MALL: variants seen among roughly 807,000 people sequenced by gnomAD.
The protein encoded by MALL is MAL-like protein.
Under a neutral mutation model 10.3 loss-of-function variants are expected in MALL, and 2 were observed. That is an observed-to-expected ratio of 0.19 (90% confidence interval 0.08 to 0.61). MALL has a LOEUF of 0.61. Ranked by LOEUF, MALL falls within the 20% of genes least tolerant of loss-of-function variation. The pLI is 0.88. For missense variants in MALL, 39 were observed against 115.2 expected, an observed-to-expected ratio of 0.34 and a Z score of 3.03; for synonymous variants, 27 against 51.8, an observed-to-expected ratio of 0.52 and a Z score of 2.05.
chr2:110,113,435 CAAAAAAAAAAAAA>C (rs58360665), intron 1 of MALL, among the ~76,000 whole-genome samples: 18 of 31,824 alleles, frequency 5.7e-4, no homozygotes, highest in Admixed American at 2.2e-3. Flanking sequence ...GACTCTGTCT[CAAAAAAAAAAAAA>C]AAAAAAAAAA....
chr2:110,105,749 A>T (rs1231255107), intron 1 of MALL, among the ~76,000 whole-genome samples: 1 of 152,204 alleles, frequency 6.6e-6, no homozygotes, highest in Non-Finnish European at 1.5e-5. Context: ...GAAGGGGAAG[A>T]TGCCTGCCTT....
chr2:110,100,476 C>A (rs1026554234), intron 1 of MALL, among the ~76,000 whole-genome samples: 54 of 15,434 alleles, frequency 3.5e-3, no homozygotes, highest in Admixed American at 0.027. Flanking sequence ...CTGTCCCCCA[C>A]CCTAAAAAAA....
chr2:110,106,959 A>G (rs796758217), intron 1 of MALL, among the ~76,000 whole-genome samples: 42 of 152,306 alleles, frequency 2.8e-4, no homozygotes, highest in African/African-American at 9.6e-4. Context: ...GAAGAAGCCA[A>G]CCTCAAAGAC....
intron 1 of MALL, among the ~76,000 whole-genome samples, chr2:110,099,525 T>C (rs1678517009): frequency 6.6e-6 from 1 of 152,174 alleles, no homozygotes; most frequent in Admixed American, 6.5e-5. Flanking sequence ...TTCTAGCTTT[T>C]TCCTGTTACA....
chr2:110,103,577 G>A (rs185398051), intron 1 of MALL, among the ~76,000 whole-genome samples: 2 of 152,206 alleles, frequency 1.3e-5, no homozygotes, highest in Non-Finnish European at 1.5e-5. Context: ...GAATGGCGGA[G>A]AGAGCCAGCA....
intron 1 of MALL, among the ~76,000 whole-genome samples, chr2:110,112,178 G>A (rs1678816672): frequency 6.6e-6 from 1 of 152,136 alleles, no homozygotes; most frequent in Non-Finnish European, 1.5e-5. Context: ...CTTAGGCAAG[G>A]ATTTCATGAC....
At chr2:110,099,635 A>T (rs1678519690) in intron 1 of MALL, among the ~76,000 whole-genome samples, 1 of 152,054 alleles carries the variant, frequency 6.6e-6, no homozygotes, top group Non-Finnish European at 1.5e-5. Context: ...CAGTAAGGGG[A>T]TGTCACTGCC....
In MALL at chr2:110,097,095, CAAAA is replaced by C. The variant is rs71405880; in HGVS notation, c.106-5329_106-5326del. On this transcript the variant is annotated intron_variant, in intron 1 of 3. Transcript: ENST00000272462. ...TGCAATCTTCAAAAACAAAACAAAA[CAAAA>C]AAAAAAAAAGAGAGAGAAAATTCTA... Among the ~76,000 whole-genome samples, 40 of 139,710 alleles carry C rather than the reference CAAAA, an allele frequency of 2.9e-4. 1 individual carries two copies. The highest frequency in any genetic ancestry group is 9.8e-4 in the African/African-American group (37 of 37,660). 91.7% of individuals were successfully genotyped at this position (139,710 alleles called of 152,430 possible). A position where few individuals can be genotyped will look rare whatever the true frequency, so the allele number is the denominator to read the frequency against.
intron 1 of MALL, among the ~76,000 whole-genome samples, chr2:110,110,258 T>A (rs1003756113): frequency 2.6e-5 from 4 of 151,510 alleles, no homozygotes; most frequent in Non-Finnish European, 5.9e-5. Context: ...AAAAAACCCA[T>A]GAAAGATAAA....
chr2:110,098,403 C>T (rs990725580), intron 1 of MALL, among the ~76,000 whole-genome samples: 7 of 152,056 alleles, frequency 4.6e-5, no homozygotes, highest in African/African-American at 1.7e-4. Flanking sequence ...CCCGCAGTCC[C>T]TGGCAACCAC....
At chr2:110,097,665 T>C in intron 1 of MALL, 1 of 391,506 alleles carries the variant, frequency 2.6e-6, no homozygotes, top group Non-Finnish European at 5.2e-6. Context: ...TGGCCAGGGC[T>C]CTGGGCTGTG....
At chr2:110,106,179 G>T (rs921110132) in intron 1 of MALL, among the ~76,000 whole-genome samples, 8 of 152,162 alleles carry the variant, frequency 5.3e-5, no homozygotes, top group African/African-American at 1.9e-4. Flanking sequence ...TGACAAGGTT[G>T]ACAGTTAAAA....
At chr2:110,107,411 C>G (rs1678719684) in intron 1 of MALL, among the ~76,000 whole-genome samples, 1 of 152,062 alleles carries the variant, frequency 6.6e-6, no homozygotes, top group African/African-American at 2.4e-5. Context: ...AGGCCTGTAA[C>G]TGCCAGCTTT....
chr2:110,097,098 A>AAC (rs1426009470), intron 1 of MALL, among the ~76,000 whole-genome samples: 97 of 139,964 alleles, frequency 6.9e-4, no homozygotes, highest in African/African-American at 1.8e-3. Flanking sequence ...AACAAAACAA[A>AAC]AAAAAAAAAA....
At chr2:110,111,549 G>C (rs1263506412) in intron 1 of MALL, among the ~76,000 whole-genome samples, 1 of 151,962 alleles carries the variant, frequency 6.6e-6, no homozygotes, top group Non-Finnish European at 1.5e-5. Context: ...CCTCTACAAG[G>C]AAAACTATAA....
intron 1 of MALL, among the ~76,000 whole-genome samples, chr2:110,096,980 G>A (rs1678455405): frequency 6.6e-6 from 1 of 151,848 alleles, no homozygotes; most frequent in African/African-American, 2.4e-5. Context: ...GTTGTTTATT[G>A]CAGCCTGTTG....
intron 1 of MALL, among the ~76,000 whole-genome samples, chr2:110,105,914 C>T (rs1678677607): frequency 6.6e-6 from 1 of 152,120 alleles, no homozygotes. Flanking sequence ...GAAGCAGCAG[C>T]AGGTTGGAAT....
At chr2:110,111,175 C>G (rs1401942536) in intron 1 of MALL, among the ~76,000 whole-genome samples, 2 of 152,104 alleles carry the variant, frequency 1.3e-5, no homozygotes, top group African/African-American at 2.4e-5. Flanking sequence ...AGGATGCCCA[C>G]TCTCACCACT....
At chr2:110,107,666 G>A (rs181583589) in intron 1 of MALL, among the ~76,000 whole-genome samples, 1 of 152,230 alleles carries the variant, frequency 6.6e-6, no homozygotes, top group Admixed American at 6.5e-5. Flanking sequence ...CCCAACACTG[G>A]TCCCTCTCCA....
Sources: gnomAD v4.1 joint callset for allele counts (sites outside exome capture counted in the v4.1 genomes callset) on GRCh38, gnomAD v4.1.1 for gene constraint, MANE v1.5 for transcripts, NCBI Gene and HGNC (gene_info 2026-07-23, HGNC 2026-07-21) for gene names.